The following STK10 variants were observed in gnomAD, a reference collection of about 807,000 sequenced individuals.
STK10 encodes serine/threonine kinase 10, also known as serine/threonine-protein kinase 10.
Under a neutral mutation model 113.8 loss-of-function variants are expected in STK10, and 78 were observed. That is an observed-to-expected ratio of 0.69 (90% CI 0.57 to 0.83). The LOEUF (loss-of-function observed/expected upper bound fraction) is 0.83, where lower values mean the gene tolerates loss of function less well. Ranked by LOEUF, STK10 falls within the 40% of genes least tolerant of loss-of-function variation. The probability of loss-of-function intolerance (pLI) is 0.00; values close to 1 mark genes in which losing one functional copy is unlikely to be tolerated. For synonymous variants in STK10, 465 were observed against 494.7 expected (o/e 0.94, Z 0.80); for missense variants, 1,109 against 1,280.1 (o/e 0.87, Z 2.04).
rs1199986480 is a variant in STK10, at chr5:172,043,968, G to GA, written c.*913dup. ...GGTTGTGGAAGCCTCGTGTGCTGAG[G>GA]AATCAGTCCCTGCACACAGGAGCCT... is the stretch of plus-strand genomic sequence containing the variant. On this transcript the variant is annotated 3_prime_UTR_variant, in exon 19 of 19. Coordinates refer to ENST00000176763, the MANE Select transcript of STK10 (RefSeq NM_005990.4). 2.0e-5 allele frequency: 3 copies of GA among 152,338 alleles called. No homozygotes were observed. The highest frequency in any genetic ancestry group is 4.4e-5 in the Non-Finnish European group (3 of 68,126). The allele number at this position is 152,338 out of a possible 1,614,324, so 9.4% of individuals were successfully genotyped here.
At chr5:172,108,051 G>A (rs1769155759) in intron 4 of STK10, 199 bp from the exon 5 acceptor site, 4 of 500,940 alleles carry the variant, frequency 8.0e-6, no homozygotes, top group South Asian at 3.0e-5. Context: ...CTACTAACGA[G>A]AGCCTGCACT....
intron 1 of STK10, among the ~76,000 whole-genome samples, chr5:172,180,994 G>A (rs10074893): frequency 0.011 from 1,652 of 152,282 alleles, 37 homozygotes; most frequent in African/African-American, 0.037. Context: ...AGTGAACGCC[G>A]CAGATGAATG....
chr5:172,090,767 T>A (rs1768683041), intron 9 of STK10, among the ~76,000 whole-genome samples: 1 of 151,648 alleles, frequency 6.6e-6, no homozygotes, highest in African/African-American at 2.4e-5. Context: ...AAACCCTGTC[T>A]CTACTAAAAA....
intron 18 of STK10, among the ~76,000 whole-genome samples, chr5:172,049,202 T>TG (rs1218906772): frequency 1.3e-5 from 2 of 152,100 alleles, no homozygotes; most frequent in East Asian, 3.9e-4. Context: ...TGAAACAGCG[T>TG]GGGGCACTTA....
At chr5:172,148,754 G>A (rs1450817191) in intron 2 of STK10, among the ~76,000 whole-genome samples, 1 of 152,252 alleles carries the variant, frequency 6.6e-6, no homozygotes, top group Non-Finnish European at 1.5e-5. Context: ...CCCAGAGAGG[G>A]GCATTCCAGG....
intron 2 of STK10, among the ~76,000 whole-genome samples, chr5:172,145,444 C>T (rs1333631456): frequency 2.0e-5 from 2 of 100,970 alleles, no homozygotes; most frequent in Admixed American, 1.2e-4. Context: ...ACCAAGGCGG[C>T]GGGGGTGGGG....
chr5:172,050,348 A>T (rs1488658893), intron 18 of STK10, among the ~76,000 whole-genome samples: 1 of 152,082 alleles, frequency 6.6e-6, no homozygotes, highest in Non-Finnish European at 1.5e-5. Flanking sequence ...AATCATCTTG[A>T]GTTGTGGGCT....
At chr5:172,101,288 T>C (rs1241106052) in intron 7 of STK10, among the ~76,000 whole-genome samples, 1 of 151,672 alleles carries the variant, frequency 6.6e-6, no homozygotes, top group Non-Finnish European at 1.5e-5. Flanking sequence ...CTGGCCAACA[T>C]GGTGAAACCC....
intron 3 of STK10, among the ~76,000 whole-genome samples, chr5:172,126,165 C>T (rs1769614796): frequency 6.6e-6 from 1 of 152,186 alleles, no homozygotes; most frequent in Non-Finnish European, 1.5e-5. Flanking sequence ...TAGCATGAGC[C>T]GGGGATGCTG....
At chr5:172,107,936 C>A (rs1769152722) in intron 4 of STK10, 84 bp from the exon 5 acceptor site, 2 of 1,158,550 alleles carry the variant, frequency 1.7e-6, no homozygotes, top group South Asian at 2.6e-5. Context: ...GTACACATTC[C>A]AAGTCGACTA....
At chr5:172,179,056 C>T (rs1278568332) in intron 1 of STK10, among the ~76,000 whole-genome samples, 6 of 152,178 alleles carry the variant, frequency 3.9e-5, no homozygotes, top group Admixed American at 2.0e-4. Flanking sequence ...CTATCAACAC[C>T]GAGGTATTCC....
intron 2 of STK10, among the ~76,000 whole-genome samples, chr5:172,131,032 GTTT>G (rs773484183): frequency 9.1e-6 from 1 of 109,518 alleles, no homozygotes; most frequent in Non-Finnish European, 1.8e-5. Flanking sequence ...GCCATCAGCT[GTTT>G]TTTTTTTTTT....
intron 10 of STK10, among the ~76,000 whole-genome samples, chr5:172,084,703 T>C (rs1271042023): frequency 6.6e-6 from 1 of 151,942 alleles, no homozygotes; most frequent in Non-Finnish European, 1.5e-5. Flanking sequence ...ATGGACCTTA[T>C]ACAGGTAGAG....
chr5:172,118,650 C>G (rs939646175), intron 3 of STK10, among the ~76,000 whole-genome samples: 1 of 151,422 alleles, frequency 6.6e-6, no homozygotes, highest in South Asian at 2.1e-4. Context: ...GAAGCAGAGG[C>G]GGGGGGGATC....
At chr5:172,177,645 G>A (rs2113839875) in intron 1 of STK10, among the ~76,000 whole-genome samples, 1 of 152,308 alleles carries the variant, frequency 6.6e-6, no homozygotes, top group South Asian at 2.1e-4. Flanking sequence ...ACAACACATT[G>A]CTTTAATTCT....
At chr5:172,166,715 T>C (rs987181234) in intron 1 of STK10, among the ~76,000 whole-genome samples, 2 of 152,228 alleles carry the variant, frequency 1.3e-5, no homozygotes, top group African/African-American at 2.4e-5. Context: ...CTGGAGACGA[T>C]GTAGTAAAAT....
intron 10 of STK10, 150 bp from the exon 11 acceptor site, chr5:172,083,234 A>G (rs1471991590): frequency 2.2e-6 from 2 of 922,302 alleles, no homozygotes; most frequent in African/African-American, 1.7e-5. Flanking sequence ...GCTTCATTTG[A>G]TATTTATTGA....
At chr5:172,125,721 T>C (rs1769605313) in intron 3 of STK10, among the ~76,000 whole-genome samples, 1 of 152,312 alleles carries the variant, frequency 6.6e-6, no homozygotes, top group East Asian at 1.9e-4. Flanking sequence ...ACCACCATCT[T>C]TGGTATAGCT....
intron 2 of STK10, among the ~76,000 whole-genome samples, chr5:172,149,039 T>A (rs1267070480): frequency 1.3e-5 from 2 of 152,176 alleles, no homozygotes; most frequent in African/African-American, 4.8e-5. Flanking sequence ...TGGTGGCACA[T>A]GCTTGTAATC....
Sources: gnomAD v4.1 joint callset for allele counts (sites outside exome capture counted in the v4.1 genomes callset) on GRCh38, gnomAD v4.1.1 for gene constraint, MANE v1.5 for transcripts, NCBI Gene and HGNC (gene_info 2026-07-23, HGNC 2026-07-21) for gene names.